ADAM22: variants seen among roughly 807,000 people sequenced by gnomAD.
ADAM22 encodes the protein disintegrin and metalloproteinase domain-containing protein 22.
ADAM22 carries 65 observed loss-of-function variants against 144.6 expected under a neutral mutation model. The ratio of observed to expected loss-of-function variants is 0.45; its 90% CI spans 0.37 to 0.55. ADAM22 has a LOEUF of 0.55. ADAM22 is among the 20% of genes least tolerant of loss of function. The probability of loss-of-function intolerance (pLI) is 0.00; values close to 1 mark genes in which losing one functional copy is unlikely to be tolerated. For missense variants in ADAM22, 974 were observed against 1,184.9 expected, an observed-to-expected ratio of 0.82 and a Z score of 2.61; for synonymous variants, 391 against 412.6, an observed-to-expected ratio of 0.95 and a Z score of 0.63.
intron 2 of ADAM22, among the ~76,000 whole-genome samples, chr7:87,953,322 A>G (rs1368459409): frequency 1.6e-4 from 24 of 151,968 alleles, no homozygotes; most frequent in East Asian, 9.7e-4. Context: ...AATGTGTCCC[A>G]GAGATTCTGG....
chr7:88,033,720 T>C (rs572520484), intron 3 of ADAM22, among the ~76,000 whole-genome samples: 1 of 152,274 alleles, frequency 6.6e-6, no homozygotes, highest in Admixed American at 6.5e-5. Context: ...GAAATCTACC[T>C]GGTGCTCCAT....
intron 4 of ADAM22, among the ~76,000 whole-genome samples, chr7:88,097,151 C>CTTTTTTT (rs1169759079): frequency 1.8e-4 from 23 of 129,212 alleles, no homozygotes; most frequent in African/African-American, 6.6e-4. Context: ...TTTTTCTTTT[C>CTTTTTTT]TTTTTTTTTT....
chr7:88,158,246 C>T (rs1840545911), intron 22 of ADAM22, among the ~76,000 whole-genome samples: 1 of 152,146 alleles, frequency 6.6e-6, no homozygotes, highest in Non-Finnish European at 1.5e-5. Flanking sequence ...CACCCAGCTT[C>T]ATCAAGCAAG....
At position 88,038,448 on chromosome 7, in the gene ADAM22, A is replaced by G. The variant is rs572027022; in HGVS notation, c.324-37178A>G. On this transcript the variant is annotated intron_variant, in intron 3 of 31. Coordinates refer to ENST00000413139, the MANE Select transcript of ADAM22 (RefSeq NM_001324418.2). ...ATAAACAGAATGATACATCTCTGCT[A>G]TTCTTTTTTTTTTTTTTTTCTTTTG... Among the ~76,000 whole-genome samples the G allele has an allele frequency of 2.3e-3, 332 of 145,976 alleles. 1 individual carries two copies. Among genetic ancestry groups the G allele is most frequent in the African/African-American group, 7.7e-3 (315 of 40,656 alleles).
intron 2 of ADAM22, among the ~76,000 whole-genome samples, chr7:87,943,867 T>C (rs535017905): frequency 1.2e-3 from 185 of 152,300 alleles, no homozygotes; most frequent in African/African-American, 4.2e-3. Context: ...AAAATTTAAT[T>C]TTGTACTAGG....
intron 4 of ADAM22, among the ~76,000 whole-genome samples, chr7:88,092,295 T>C (rs1820084588): frequency 6.6e-6 from 1 of 152,128 alleles, no homozygotes; most frequent in South Asian, 2.1e-4. Flanking sequence ...CCTACCTCTT[T>C]TACCCTCCGT....
chr7:88,127,761 C>T (rs1057481787), intron 8 of ADAM22, among the ~76,000 whole-genome samples: 1 of 151,768 alleles, frequency 6.6e-6, no homozygotes, highest in Admixed American at 6.6e-5. Flanking sequence ...GTGAGCAAAA[C>T]GTTTTCTGGA....
chr7:87,993,415 C>T (rs568842540), intron 3 of ADAM22, among the ~76,000 whole-genome samples: 1 of 152,198 alleles, frequency 6.6e-6, no homozygotes, highest in South Asian at 2.1e-4. Flanking sequence ...ATTTTAGTAA[C>T]TTATGCTGTA....
At chr7:87,981,155 C>T (rs1291081903) in intron 3 of ADAM22, among the ~76,000 whole-genome samples, 1 of 152,076 alleles carries the variant, frequency 6.6e-6, no homozygotes, top group African/African-American at 2.4e-5. Context: ...TGATCCTTTA[C>T]AACAGAGGAC....
intron 4 of ADAM22, among the ~76,000 whole-genome samples, chr7:88,098,665 C>A (rs1822107398): frequency 6.6e-6 from 1 of 152,076 alleles, no homozygotes; most frequent in Admixed American, 6.6e-5. Flanking sequence ...TTAACTCCTT[C>A]CTCATCACTT....
chr7:87,968,311 A>G (rs1849624917), intron 2 of ADAM22, among the ~76,000 whole-genome samples: 1 of 152,178 alleles, frequency 6.6e-6, no homozygotes, highest in Non-Finnish European at 1.5e-5. Context: ...GATGCCTGGG[A>G]TCCACTGCAG....
At chr7:88,054,588 C>CTGTGTGTGTGCG (rs1807646628) in intron 3 of ADAM22, among the ~76,000 whole-genome samples, 1 of 132,170 alleles carries the variant, frequency 7.6e-6, no homozygotes, top group Non-Finnish European at 1.6e-5. Context: ...AGGTGCCCTC[C>CTGTGTGTGTGCG]TGTGTGTGTG....
At chr7:87,934,571 G>A in intron 1 of ADAM22, 21 bp downstream of exon 1, 1 of 1,596,772 alleles carries the variant, frequency 6.3e-7, no homozygotes, top group Non-Finnish European at 8.5e-7. Flanking sequence ...CGTCCTCTGT[G>A]CCTTTGGGCC....
intron 17 of ADAM22, among the ~76,000 whole-genome samples, chr7:88,146,034 C>A (rs568388525): frequency 6.6e-6 from 1 of 152,240 alleles, no homozygotes; most frequent in East Asian, 1.9e-4. Context: ...CATCTTTACA[C>A]ACTTTATGTT....
At chr7:88,123,442 A>AT (rs1446569572) in intron 7 of ADAM22, among the ~76,000 whole-genome samples, 1 of 152,044 alleles carries the variant, frequency 6.6e-6, no homozygotes, top group Non-Finnish European at 1.5e-5. Flanking sequence ...GATTATTCAG[A>AT]TTTTCTATAT....
In ADAM22 at chr7:88,198,389, G is replaced by T. The variant is rs1313050172; in HGVS notation, c.*1898G>T. 1 of 152,184 alleles carries T rather than the reference G, an allele frequency of 6.6e-6. No homozygotes were observed. The highest frequency in any genetic ancestry group is 1.5e-5 in the Non-Finnish European group (1 of 68,038). The allele number at this position is 152,184 out of a possible 1,614,324, so 9.4% of individuals were successfully genotyped here. On this transcript the variant is annotated 3_prime_UTR_variant, in exon 32 of 32. Coordinates refer to ENST00000413139, the MANE Select transcript of ADAM22 (RefSeq NM_001324418.2). ...AAACAGCATTTTTCATGACAGGAAG[G>T]GATGTGATTGTTGATATGACCATAA...
chr7:87,951,053 G>A (rs937150975), intron 2 of ADAM22, among the ~76,000 whole-genome samples: 6 of 152,170 alleles, frequency 3.9e-5, no homozygotes, highest in African/African-American at 9.7e-5. Flanking sequence ...TTTGTCAGAT[G>A]AGTAGGTTGC....
intron 3 of ADAM22, among the ~76,000 whole-genome samples, chr7:88,006,930 G>T (rs994707917): frequency 6.7e-6 from 1 of 150,360 alleles, no homozygotes; most frequent in Non-Finnish European, 1.5e-5. Flanking sequence ...GGAAATAAAG[G>T]GTATTCAATT....
At chr7:88,158,068 C>A (rs925665330) in intron 22 of ADAM22, among the ~76,000 whole-genome samples, 7 of 151,800 alleles carry the variant, frequency 4.6e-5, no homozygotes, top group African/African-American at 1.7e-4. Context: ...ATCTAGCAAG[C>A]AAATGGAAAT....
Sources: allele counts gnomAD v4.1 joint callset (sites outside exome capture counted in the v4.1 genomes callset), GRCh38; gene constraint gnomAD v4.1.1; transcripts MANE v1.5; gene names NCBI Gene and HGNC (gene_info 2026-07-23, HGNC 2026-07-21).